The following MTERF4 variants were observed in gnomAD, a reference collection of about 807,000 sequenced individuals.
MTERF4 encodes the protein mitochondrial transcription termination factor 4.
Under a neutral mutation model 22.5 loss-of-function variants are expected in MTERF4, and 17 were observed. The ratio of observed to expected loss-of-function variants is 0.75; its 90% confidence interval spans 0.52 to 1.13. The LOEUF is 1.13. Among genes scored for constraint, MTERF4 ranks in the 50% most tolerant of loss-of-function variants. The pLI, the probability that MTERF4 is intolerant of heterozygous loss-of-function variation, is 0.00. For synonymous variants in MTERF4, 165 were observed against 175.3 expected, an observed-to-expected ratio of 0.94 and a Z score of 0.47; for missense variants, 420 against 466.8, an observed-to-expected ratio of 0.90 and a Z score of 0.92.
the MTERF4 span, among the ~76,000 whole-genome samples, chr2:241,045,438 G>A: frequency 6.6e-5 from 10 of 152,150 alleles, no homozygotes; most frequent in Non-Finnish European, 8.8e-5. Flanking sequence ...GTGTGATATT[G>A]GCAAAGGGAC....
At chr2:241,102,031 G>A (rs900682950) in intron 1 of MTERF4, 1 of 593,234 alleles carries the variant, frequency 1.7e-6, no homozygotes, top group South Asian at 2.1e-5. Flanking sequence ...CCAGCCTGGA[G>A]ACAGAGCGAG....
Position 241,097,333 on chromosome 2 carries a change from G to C in MTERF4, c.615C>G (p.Cys205Trp). Residue 205 changes from cysteine to tryptophan, a missense_variant, in exon 3 of 4, where the codon TGC (cysteine) becomes TGG (tryptophan). Physicochemically the swap from Cys to Trp is radical, Grantham distance 215. Coordinates refer to ENST00000391980, the MANE Select transcript of MTERF4 (RefSeq NM_182501.4). ...NDTVRLLKEK[C>W]LFTVQQVTKI... is the part of the protein sequence containing the mutation. Reference sequence around the variant, plus strand: ...TGGTGACTTGCTGTACCGTGAAAAGGCACTTCTCCTTGAGAAGCCTGACAG... The same window carrying C: ...TGGTGACTTGCTGTACCGTGAAAAGCCACTTCTCCTTGAGAAGCCTGACAG... 1 of 1,614,168 alleles carries C rather than the reference G, an allele frequency of 6.2e-7. No individual in the cohort carries two copies. The highest frequency in any genetic ancestry group is 1.1e-5 in the South Asian group (1 of 91,080).
downstream of MTERF4, among the ~76,000 whole-genome samples, chr2:241,086,202 G>A (rs529657144): frequency 2.6e-5 from 4 of 152,286 alleles, no homozygotes; most frequent in South Asian, 6.2e-4. Flanking sequence ...TAATAAACAA[G>A]ATCTCTCTAC....
the MTERF4 span, chr2:241,048,208 G>A: frequency 1.5e-6 from 2 of 1,305,184 alleles, no homozygotes; most frequent in Non-Finnish European, 2.0e-6. Flanking sequence ...TTCCACTTGG[G>A]AATGACAACA....
At chr2:241,064,702 G>A in the MTERF4 span, 186 of 602,220 alleles carry the variant, frequency 3.1e-4, 1 homozygote, top group Non-Finnish European at 7.1e-5. The surrounding 1 kb of genome is among the most constrained non-coding windows in gnomAD (Gnocchi z 7.0). Flanking sequence ...TGGCAGAACC[G>A]AAGGGAGGCA....
the MTERF4 span, chr2:241,063,968 A>T: frequency 3.7e-6 from 5 of 1,348,770 alleles, no homozygotes; most frequent in Non-Finnish European, 4.1e-6. Context: ...CCTCCCCCAG[A>T]CTCCCCCCTT....
At chr2:241,083,647 T>C (rs1478503831), downstream of MTERF4, among the ~76,000 whole-genome samples, 3 of 152,232 alleles carry the variant, frequency 2.0e-5, no homozygotes, top group Non-Finnish European at 4.4e-5. Context: ...ATCTGCCATC[T>C]TCCCGCTGTG....
chr2:241,056,771 CAG>C, the MTERF4 span, among the ~76,000 whole-genome samples: 3 of 151,342 alleles, frequency 2.0e-5, no homozygotes, highest in Admixed American at 6.6e-5. Context: ...TTAGTAGAGA[CAG>C]GGTTTCACCG....
intron 4 of MTERF4, among the ~76,000 whole-genome samples, chr2:241,080,654 A>C (rs2063283696): frequency 6.6e-6 from 1 of 152,262 alleles, no homozygotes; most frequent in African/African-American, 2.4e-5. Flanking sequence ...AGACAGAATA[A>C]ATTGAGCATC....
the MTERF4 span, chr2:241,064,973 G>T: frequency 6.5e-7 from 1 of 1,549,652 alleles, no homozygotes; most frequent in Non-Finnish European, 8.7e-7. This position sits in a 1 kb window ranked among gnomAD's most constrained non-coding sequence, Gnocchi z 7.0. Flanking sequence ...TGGCGAGGGC[G>T]CCTCCAGTGA....
downstream of MTERF4, chr2:241,089,441 G>A (rs1239198012): frequency 1.3e-6 from 2 of 1,547,226 alleles, no homozygotes; most frequent in Non-Finnish European, 1.7e-6. Flanking sequence ...TCAGATATAG[G>A]CTCACACACA....
downstream of MTERF4, chr2:241,087,540 C>T (rs1257439082): frequency 1.4e-5 from 22 of 1,533,708 alleles, no homozygotes; most frequent in African/African-American, 3.0e-5. Flanking sequence ...GGGGCAAGGG[C>T]GGGGTGCTAT....
chr2:241,082,187 C>T, downstream of MTERF4: 1 of 1,047,848 alleles, frequency 9.5e-7, no homozygotes, highest in Non-Finnish European at 1.4e-6. Context: ...CTAAGGACCC[C>T]CGGGCCCTCT....
At chr2:241,078,362 G>A (rs2125284280) in intron 4 of MTERF4, among the ~76,000 whole-genome samples, 1 of 135,956 alleles carries the variant, frequency 7.4e-6, no homozygotes, top group East Asian at 2.1e-4. Flanking sequence ...CAGCCTGGGA[G>A]ACAGAACTAG....
chr2:241,045,321 C>G, the MTERF4 span, among the ~76,000 whole-genome samples: 2 of 151,910 alleles, frequency 1.3e-5, no homozygotes, highest in Non-Finnish European at 2.9e-5. Context: ...ATTTATATGG[C>G]AAGAAAAAGA....
the MTERF4 span, among the ~76,000 whole-genome samples, chr2:241,064,630 G>A: frequency 6.6e-6 from 1 of 152,186 alleles, no homozygotes; most frequent in Non-Finnish European, 1.5e-5. The surrounding 1 kb of genome is among the most constrained non-coding windows in gnomAD (Gnocchi z 7.0). Context: ...CAGTCCGGCT[G>A]GTGGCACTCC....
At position 241,096,836 on chromosome 2, in the gene MTERF4, C is replaced by A; in HGVS notation, c.706-398G>T. The stretch of plus-strand genomic sequence containing the variant: ...AAAAATCGGACAACTGTTAAAATTA[C>A]ATTTTCAAAATCAACATGCAAAATA... On this transcript the variant is annotated intron_variant, in intron 3 of 3. Transcript: ENST00000391980. The surrounding 1 kb of genome is among the most constrained non-coding windows in gnomAD (Gnocchi z 5.1). 1.8e-6 allele frequency: 1 copy of A among 544,548 alleles called. No homozygotes were observed. Among genetic ancestry groups the A allele is most frequent in the East Asian group, 3.4e-5 (1 of 29,850 alleles). The allele number at this position is 544,548 out of a possible 1,614,324, so 33.7% of individuals were successfully genotyped here. A position where few individuals can be genotyped will look rare whatever the true frequency, so the allele number is the denominator to read the frequency against.
chr2:241,049,102 T>A, the MTERF4 span: 2 of 1,612,150 alleles, frequency 1.2e-6, no homozygotes, highest in Non-Finnish European at 1.7e-6. Context: ...GAGCTACCTC[T>A]GCGTCTGCCA....
chr2:241,102,129 C>A, intron 1 of MTERF4, 124 bp downstream of exon 1: 1 of 1,334,524 alleles, frequency 7.5e-7, no homozygotes, highest in Non-Finnish European at 1.0e-6. Context: ...ACCAGGTCAG[C>A]GTGCACGGAC....
Sources: allele counts gnomAD v4.1 joint callset (sites outside exome capture counted in the v4.1 genomes callset), GRCh38; gene constraint gnomAD v4.1.1; non-coding constraint Gnocchi (gnomAD v3.1); transcripts MANE v1.5; gene names NCBI Gene and HGNC (gene_info 2026-07-23, HGNC 2026-07-21).